Variants in PUDP observed in about 807,000 individuals in gnomAD.
The protein encoded by PUDP is pseudouridine 5'-phosphatase.
A neutral mutation model predicts 9.4 loss-of-function variants in PUDP; 8 were observed. The observed-to-expected ratio is 0.85, with a 90% CI of 0.50 to 1.53. The LOEUF (loss-of-function observed/expected upper bound fraction) is 1.53, where lower values mean the gene tolerates loss of function less well. PUDP is among the 40% of genes most tolerant of loss of function. The pLI, the probability that PUDP is intolerant of heterozygous loss-of-function variation, is 0.00. For synonymous variants in PUDP, 99 were observed against 80.7 expected, an observed-to-expected ratio of 1.23 and a Z score of -1.22; for missense variants, 188 against 189.7, an observed-to-expected ratio of 0.99 and a Z score of 0.05.
intron 1 of PUDP, among the ~76,000 whole-genome samples, chrX:7,127,303 A>G (rs1482811452): frequency 8.9e-6 from 1 of 112,361 alleles, no homozygotes; most frequent in Non-Finnish European, 1.9e-5. Context: ...GGGGCTTGGC[A>G]GACACATAAC....
At chrX:7,143,636 C>T (rs1216266867) in intron 1 of PUDP, among the ~76,000 whole-genome samples, 1 of 112,221 alleles carries the variant, frequency 8.9e-6, no homozygotes, top group Non-Finnish European at 1.9e-5. Context: ...CAGAACCAAA[C>T]GGAGCTAAAT....
intron 1 of PUDP, among the ~76,000 whole-genome samples, chrX:6,715,140 C>A (rs1924585688): frequency 9.0e-6 from 1 of 110,821 alleles, no homozygotes; most frequent in African/African-American, 3.3e-5. Context: ...AAAGGTAGTT[C>A]ATATTGATCA....
rs1470500310 is a variant in PUDP at position 6,997,658 on chromosome X, G to T, written c.205-19315C>A. ...TGTTCTGATTTTTCAAAGATTAGAA[G>T]AACATGAATTGCACAAATGTGAGAG... On this transcript the variant is annotated intron_variant and NMD_transcript_variant, in intron 1 of 3. Coordinates refer to the PUDP transcript ENST00000655425. Among the ~76,000 whole-genome samples the T allele has an allele frequency of 4.5e-5, 5 of 112,214 alleles. No homozygotes were observed. The South Asian group carries it at 1.5e-3, about 34-fold the overall frequency.
At chrX:6,813,562 G>A (rs1005809534) in intron 3 of PUDP, among the ~76,000 whole-genome samples, 6 of 111,486 alleles carry the variant, frequency 5.4e-5, no homozygotes, top group African/African-American at 1.6e-4. Context: ...CTTTCCCCCC[G>A]TAGGGCGTAG....
intron 1 of PUDP, among the ~76,000 whole-genome samples, chrX:7,136,882 T>C (rs1189267044): frequency 9.1e-6 from 1 of 110,382 alleles, no homozygotes; most frequent in Non-Finnish European, 1.9e-5. Context: ...TATCACTGTA[T>C]CACTTTGGGT....
intron 3 of PUDP, among the ~76,000 whole-genome samples, chrX:6,947,879 T>C (rs1343975574): frequency 8.9e-6 from 1 of 112,448 alleles, no homozygotes; most frequent in East Asian, 2.8e-4. Context: ...TCATTCATAA[T>C]TTGACAGTGG....
chrX:6,937,237 CA>C (rs1478269700), intron 3 of PUDP, among the ~76,000 whole-genome samples: 1 of 85,232 alleles, frequency 1.2e-5, no homozygotes, highest in Non-Finnish European at 2.3e-5. Flanking sequence ...AACTATACTA[CA>C]AGGCTACAGT....
chrX:7,037,790 C>CT (rs1201949744), intron 1 of PUDP, among the ~76,000 whole-genome samples: 28 of 110,748 alleles, frequency 2.5e-4, no homozygotes, highest in South Asian at 3.8e-4. Context: ...AAATTCATTC[C>CT]TTTTTTTTTC....
chrX:7,113,952 A>C (rs1204032682), intron 1 of PUDP, among the ~76,000 whole-genome samples: 1 of 111,352 alleles, frequency 9.0e-6, no homozygotes, highest in Non-Finnish European at 1.9e-5. Context: ...GAGGGGACAC[A>C]TTTTGGGAGG....
chrX:6,778,943 G>A (rs1035038970), intron 3 of PUDP, among the ~76,000 whole-genome samples: 17 of 112,042 alleles, frequency 1.5e-4, no homozygotes, highest in African/African-American at 5.2e-4. Flanking sequence ...GCAGGAGTGC[G>A]GCCACAAAAT....
At chrX:7,111,800 T>A in intron 1 of PUDP, among the ~76,000 whole-genome samples, 1 of 111,726 alleles carries the variant, frequency 9.0e-6, no homozygotes, top group Non-Finnish European at 1.9e-5. Flanking sequence ...ATAATCTGTG[T>A]TGTGCTCTGA....
At chrX:6,894,157 T>C (rs764795926) in intron 3 of PUDP, among the ~76,000 whole-genome samples, 15 of 110,998 alleles carry the variant, frequency 1.4e-4, no homozygotes, top group East Asian at 5.6e-4. Flanking sequence ...CTGGGCTTAA[T>C]ACCTGGGTGA....
chrX:6,835,195 A>T (rs1181421358), intron 3 of PUDP, among the ~76,000 whole-genome samples: 1 of 110,971 alleles, frequency 9.0e-6, no homozygotes, highest in Non-Finnish European at 1.9e-5. Flanking sequence ...GAAGCTGAGA[A>T]CAACTCCAGA....
At chrX:6,734,602 A>C (rs1454589915) in intron 3 of PUDP, among the ~76,000 whole-genome samples, 1 of 111,157 alleles carries the variant, frequency 9.0e-6, no homozygotes, top group African/African-American at 3.3e-5. Context: ...GCAAGACCCT[A>C]TTTCTACAAA....
chrX:6,970,488 C>T lies in PUDP; in HGVS notation c.*247+6645G>A, dbSNP rs186750403. On this transcript the variant is annotated intron_variant and NMD_transcript_variant, in intron 3 of 3. Coordinates refer to the PUDP transcript ENST00000655425. ...CGAACCCAAGATTAGGAGGATCTAT[C>T]TGGGGTAGGACCTGGCGGTACGCAG... is the stretch of plus-strand genomic sequence containing the variant. 5.1e-3 allele frequency among the ~76,000 whole-genome samples: 563 copies of T among 111,311 alleles called. 2 individuals carry two copies. Among genetic ancestry groups the T allele is most frequent in the African/African-American group, 0.017 (520 of 30,614 alleles).
intron 3 of PUDP, among the ~76,000 whole-genome samples, chrX:6,800,632 G>A (rs1351101258): frequency 9.0e-6 from 1 of 111,684 alleles, no homozygotes; most frequent in South Asian, 3.8e-4. Flanking sequence ...GGACAACATC[G>A]CATTAATTTC....
At chrX:6,945,155 A>G (rs1490322449) in intron 3 of PUDP, among the ~76,000 whole-genome samples, 3 of 110,633 alleles carry the variant, frequency 2.7e-5, no homozygotes, top group African/African-American at 9.9e-5. Context: ...TAAATACTTC[A>G]CTTCCTCTTA....
intron 3 of PUDP, among the ~76,000 whole-genome samples, chrX:6,742,863 A>G (rs1447506256): frequency 8.9e-6 from 1 of 112,797 alleles, no homozygotes; most frequent in Non-Finnish European, 1.9e-5. Flanking sequence ...AGGTACAGTT[A>G]TTTTTAAGAA....
chrX:6,853,667 C>A (rs1926862489), intron 3 of PUDP, among the ~76,000 whole-genome samples: 1 of 111,714 alleles, frequency 9.0e-6, no homozygotes, highest in Admixed American at 9.5e-5. Context: ...CACCAATCTC[C>A]TTTCCATCTC....
Sources: gnomAD v4.1 joint callset for allele counts (sites outside exome capture counted in the v4.1 genomes callset) on GRCh38, gnomAD v4.1.1 for gene constraint, MANE v1.5 for transcripts, NCBI Gene and HGNC (gene_info 2026-07-23, HGNC 2026-07-21) for gene names.